Variants in ART3 observed in about 807,000 individuals in gnomAD.
ART3 encodes ecto-ADP-ribosyltransferase 3.
ART3 carries 49 observed loss-of-function variants against 48.5 expected under a neutral mutation model. That is an observed-to-expected ratio of 1.01 (90% confidence interval 0.80 to 1.28). The LOEUF is 1.28. Ranked by LOEUF, ART3 falls within the 50% of genes most tolerant of loss-of-function variation. The pLI is 0.00. For missense variants in ART3, 438 were observed against 454.3 expected (o/e 0.96, Z 0.33); for synonymous variants, 145 against 157.2 (o/e 0.92, Z 0.58).
At chr4:76,074,845 C>G (rs1284356547) in intron 1 of ART3, 26 bp downstream of exon 1, 2 of 152,188 alleles carry the variant, frequency 1.3e-5, no homozygotes, top group African/African-American at 4.8e-5. Flanking sequence ...TATTTACACT[C>G]AGACTAAAGA....
intron 1 of ART3, among the ~76,000 whole-genome samples, chr4:76,017,937 G>C (rs1732413566): frequency 6.6e-6 from 1 of 152,198 alleles, no homozygotes; most frequent in South Asian, 2.1e-4. Flanking sequence ...GAAGGGAGAG[G>C]GGTGGCATTG....
chr4:76,062,733 TG>T (rs1719358285), intron 1 of ART3, among the ~76,000 whole-genome samples: 1 of 152,074 alleles, frequency 6.6e-6, no homozygotes, highest in South Asian at 2.1e-4. Context: ...GCTAATTTTT[TG>T]TATTTTTAGT....
intron 1 of ART3, among the ~76,000 whole-genome samples, chr4:76,039,169 G>T (rs900521653): frequency 6.7e-6 from 1 of 148,948 alleles, no homozygotes; most frequent in African/African-American, 2.5e-5. Flanking sequence ...GCATGATCTC[G>T]GCTTACTGCA....
intron 1 of ART3, among the ~76,000 whole-genome samples, chr4:76,029,192 G>C (rs562681742): frequency 6.6e-5 from 10 of 152,288 alleles, no homozygotes; most frequent in African/African-American, 2.4e-4. Flanking sequence ...ATATAGTTCA[G>C]TAGTGCCTGT....
intron 2 of ART3, among the ~76,000 whole-genome samples, chr4:76,077,145 C>A (rs1578436170): frequency 6.6e-6 from 1 of 152,214 alleles, no homozygotes; most frequent in East Asian, 1.9e-4. Context: ...TTCCGTCAAC[C>A]CAAAAAGAAA....
In ART3 at chr4:76,108,092, TA is replaced by T. The variant is rs536447393; in HGVS notation, c.1036+310del. On this transcript the variant is annotated intron_variant, in intron 11 of 11. Transcript: ENST00000355810. ...TAAAAATAAAAAAGAAAATATATAT[TA>T]AAAAAAAAAAGAACAGTGGTTCTCA... Among the ~76,000 whole-genome samples, 360 of 145,540 alleles carry T rather than the reference TA, an allele frequency of 2.5e-3. 3 individuals carry two copies. The highest frequency in any genetic ancestry group is 7.2e-3 in the African/African-American group (286 of 39,902).
chr4:76,103,827 G>GC, intron 8 of ART3, 110 bp from the exon 9 acceptor site: 1 of 908,336 alleles, frequency 1.1e-6, no homozygotes, highest in Non-Finnish European at 1.6e-6. Flanking sequence ...CTTTCCCCCT[G>GC]CCTTTTTTTT....
intron 3 of ART3, among the ~76,000 whole-genome samples, chr4:76,083,716 T>A (rs1407227107): frequency 6.6e-6 from 1 of 152,238 alleles, no homozygotes; most frequent in Non-Finnish European, 1.5e-5. Context: ...GTAAAAGTTT[T>A]CCCAGAAACC....
chr4:76,101,344 G>A (rs1362824493), intron 8 of ART3, among the ~76,000 whole-genome samples: 1 of 152,158 alleles, frequency 6.6e-6, no homozygotes, highest in Non-Finnish European at 1.5e-5. Context: ...AAATTAAAAT[G>A]ACTATTCTTT....
At chr4:76,083,196 C>CA (rs1346299588) in intron 3 of ART3, among the ~76,000 whole-genome samples, 5 of 151,970 alleles carry the variant, frequency 3.3e-5, no homozygotes, top group African/African-American at 1.2e-4. Context: ...GACCCTGTCT[C>CA]AAAAAAGAAG....
chr4:76,069,389 T>TG lies in ART3; in HGVS notation c.-9-6492_-9-6491insG, dbSNP rs1560609897. 6.2e-3 allele frequency among the ~76,000 whole-genome samples: 782 copies of TG among 126,634 alleles called. 26 individuals carry two copies. Among genetic ancestry groups the TG allele is most frequent in the African/African-American group, 0.021 (740 of 35,170 alleles). The allele number at this position is 126,634 out of a possible 152,430, so 83.1% of individuals were successfully genotyped here. On this transcript the variant is annotated intron_variant, in intron 1 of 9. Coordinates refer to the ART3 transcript ENST00000341029. ...TAAATGTATCAGTACTTAATTCCTT[T>TG]TTTTTTTTTTTTTTTTTTGAGACAC...
At chr4:76,022,428 C>G in intron 1 of ART3, 1 of 1,613,366 alleles carries the variant, frequency 6.2e-7, no homozygotes, top group Non-Finnish European at 8.5e-7. Context: ...TCAGACATCT[C>G]TTCTCACCCT....
intron 1 of ART3, among the ~76,000 whole-genome samples, chr4:76,047,095 C>T (rs2149443124): frequency 6.6e-6 from 1 of 152,108 alleles, no homozygotes; most frequent in South Asian, 2.1e-4. Context: ...AGTGCACCTT[C>T]CAGTGATTGC....
intron 3 of ART3, among the ~76,000 whole-genome samples, chr4:76,094,682 A>G (rs1725620189): frequency 6.6e-6 from 1 of 152,182 alleles, no homozygotes; most frequent in Non-Finnish European, 1.5e-5. Context: ...GGTTGATGGG[A>G]ATAGACACTA....
At chr4:76,067,649 T>C (rs1158237624) in intron 1 of ART3, among the ~76,000 whole-genome samples, 1 of 152,228 alleles carries the variant, frequency 6.6e-6, no homozygotes, top group Non-Finnish European at 1.5e-5. Context: ...GAAATCAACG[T>C]AGTTCACAAA....
At chr4:76,016,830 A>C (rs1051026724) in intron 1 of ART3, among the ~76,000 whole-genome samples, 3 of 152,208 alleles carry the variant, frequency 2.0e-5, no homozygotes. Context: ...CCAGAGGCAG[A>C]GGAGCCTTTT....
At chr4:76,100,702 C>G (rs1727101481) in intron 6 of ART3, 93 bp from the exon 7 acceptor site, 1 of 1,389,266 alleles carries the variant, frequency 7.2e-7, no homozygotes, top group African/African-American at 1.5e-5. Flanking sequence ...GGAATATTTT[C>G]ATATTTCTTG....
intron 3 of ART3, among the ~76,000 whole-genome samples, chr4:76,084,851 C>T (rs1041331761): frequency 9.2e-5 from 14 of 152,176 alleles, no homozygotes; most frequent in African/African-American, 3.4e-4. Flanking sequence ...TTGGGCTTTC[C>T]TGAATGTGGT....
chr4:76,011,937 A>T (rs1471367644), intron 1 of ART3, among the ~76,000 whole-genome samples: 1 of 152,246 alleles, frequency 6.6e-6, no homozygotes, highest in Non-Finnish European at 1.5e-5. Flanking sequence ...TAGGAGAAAC[A>T]GAAACCTGAT....
Sources: allele counts gnomAD v4.1 joint callset (sites outside exome capture counted in the v4.1 genomes callset), GRCh38; gene constraint gnomAD v4.1.1; transcripts MANE v1.5; gene names NCBI Gene and HGNC (gene_info 2026-07-23, HGNC 2026-07-21).